The following PPP2R5C variants were observed in gnomAD, a reference collection of about 807,000 sequenced individuals.
PPP2R5C encodes serine/threonine-protein phosphatase 2A 56 kDa regulatory subunit gamma isoform.
A neutral mutation model predicts 68.9 loss-of-function variants in PPP2R5C; 7 were observed. The observed-to-expected ratio is 0.10, with a 90% CI of 0.06 to 0.19. PPP2R5C has a LOEUF of 0.19. Among genes scored for constraint, PPP2R5C ranks in the 10% least tolerant of loss-of-function variants. The pLI is 1.00. For synonymous variants in PPP2R5C, 210 were observed against 222.2 expected, an observed-to-expected ratio of 0.95 and a Z score of 0.49; for missense variants, 348 against 641.3, an observed-to-expected ratio of 0.54 and a Z score of 4.94.
intron 3 of PPP2R5C, among the ~76,000 whole-genome samples, chr14:101,796,342 C>T (rs529870489): frequency 2.1e-4 from 32 of 152,194 alleles, no homozygotes; most frequent in Admixed American, 5.9e-4. Context: ...CTTTTCTTCT[C>T]TTGCATGTTT....
At chr14:101,900,089 G>A (rs535134307) in intron 8 of PPP2R5C, among the ~76,000 whole-genome samples, 6 of 151,512 alleles carry the variant, frequency 4.0e-5, no homozygotes, top group East Asian at 1.9e-4. Context: ...ACCTCACCAC[G>A]GTGCCCAGGT....
At chr14:101,847,378 G>A (rs987263705) in intron 1 of PPP2R5C, among the ~76,000 whole-genome samples, 2 of 152,168 alleles carry the variant, frequency 1.3e-5, no homozygotes, top group African/African-American at 4.8e-5. Flanking sequence ...TGATTGACAA[G>A]TGAGTGCCTC....
intron 2 of PPP2R5C, among the ~76,000 whole-genome samples, chr14:101,771,887 T>C (rs1033768176): frequency 1.3e-5 from 2 of 152,170 alleles, no homozygotes; most frequent in Non-Finnish European, 2.9e-5. Flanking sequence ...ATGTTTGTTG[T>C]TTGCTGCATA....
intron 5 of PPP2R5C, among the ~76,000 whole-genome samples, chr14:101,884,185 G>A (rs2044337564): frequency 6.6e-6 from 1 of 152,224 alleles, no homozygotes; most frequent in Admixed American, 6.5e-5. Flanking sequence ...ACAGGAGAAA[G>A]ATGGAGGCCA....
rs771077058 is a variant in PPP2R5C, at chr14:101,835,242, G to A, written c.95-21444G>A. On this transcript the variant is annotated intron_variant, in intron 1 of 13. Coordinates refer to ENST00000334743, the Ensembl canonical transcript of PPP2R5C. This position sits in a 1 kb window ranked among gnomAD's most constrained non-coding sequence, Gnocchi z 5.0. ...AAGATGTGGTGCTGTCCTGTGGCTG[G>A]GGGAGCAGGATGAATTGGGATAAGG... Among the ~76,000 whole-genome samples the A allele has an allele frequency of 4.6e-5, 7 of 152,158 alleles. No individual in the cohort carries two copies. The highest frequency in any genetic ancestry group is 1.3e-4 in the Admixed American group (2 of 15,274).
At chr14:101,761,088 A>T (rs1436719742), upstream of PPP2R5C, among the ~76,000 whole-genome samples, 1 of 15,396 alleles carries the variant, frequency 6.5e-5, no homozygotes, top group Non-Finnish European at 1.3e-4. Flanking sequence ...AGGGGAGGGG[A>T]GGGAAGGGAG....
intron 1 of PPP2R5C, among the ~76,000 whole-genome samples, chr14:101,838,005 AATGAG>A (rs1566890051): frequency 6.6e-6 from 1 of 152,248 alleles, no homozygotes; most frequent in Non-Finnish European, 1.5e-5. Context: ...TTAATGAAAA[AATGAG>A]ATAAGGTAAT....
chr14:101,897,304 G>A (rs1301463315), intron 8 of PPP2R5C, among the ~76,000 whole-genome samples: 1 of 152,052 alleles, frequency 6.6e-6, no homozygotes. Flanking sequence ...AACTCATTGG[G>A]GATTTTTTTT....
Position 101,848,658 on chromosome 14 carries a change from C to T in PPP2R5C, c.95-8028C>T, listed in dbSNP as rs114896906. ...GTCGGTGTTGACGCATCTAAAACCA[C>T]GCAGGAAACGGCTGACAATCGTGCA... On this transcript the variant is annotated intron_variant, in intron 1 of 13. Transcript: ENST00000334743. Among the ~76,000 whole-genome samples, 427 of 152,230 alleles carry T rather than the reference C, an allele frequency of 2.8e-3. 2 individuals carry two copies. The highest frequency in any genetic ancestry group is 9.7e-3 in the African/African-American group (405 of 41,548).
intron 1 of PPP2R5C, among the ~76,000 whole-genome samples, chr14:101,854,549 G>A (rs1300513481): frequency 1.3e-5 from 2 of 152,188 alleles, no homozygotes; most frequent in African/African-American, 2.4e-5. Flanking sequence ...ACCTCAACAG[G>A]AAGTTGACAG....
chr14:101,792,963 C>T (rs2038430089), intron 3 of PPP2R5C, among the ~76,000 whole-genome samples: 1 of 151,782 alleles, frequency 6.6e-6, no homozygotes, highest in African/African-American at 2.4e-5. Context: ...CTGCAGCCTC[C>T]GCCTCCCACA....
At chr14:101,794,191 C>T (rs944999781) in intron 3 of PPP2R5C, among the ~76,000 whole-genome samples, 2 of 152,238 alleles carry the variant, frequency 1.3e-5, no homozygotes, top group African/African-American at 2.4e-5. Context: ...CAGAACTTCC[C>T]TGCTTCCTGT....
intron 9 of PPP2R5C, among the ~76,000 whole-genome samples, chr14:101,903,329 G>A (rs2045821423): frequency 6.6e-6 from 1 of 152,236 alleles, no homozygotes; most frequent in South Asian, 2.1e-4. Flanking sequence ...CATGTGACAG[G>A]GCAAGGAGGA....
chr14:101,919,695 T>C (rs1336720268), intron 13 of PPP2R5C, among the ~76,000 whole-genome samples: 1 of 152,126 alleles, frequency 6.6e-6, no homozygotes, highest in Non-Finnish European at 1.5e-5. Context: ...TGGCCGGGTG[T>C]GGTGGCTCAC....
intron 1 of PPP2R5C, among the ~76,000 whole-genome samples, chr14:101,854,000 C>G (rs2042289146): frequency 6.6e-6 from 1 of 152,024 alleles, no homozygotes; most frequent in Admixed American, 6.6e-5. Context: ...AGGGTACAAA[C>G]AAAGGTGTAG....
At chr14:101,857,140 C>G (rs1053422808) in intron 2 of PPP2R5C, among the ~76,000 whole-genome samples, 7 of 152,158 alleles carry the variant, frequency 4.6e-5, no homozygotes, top group Non-Finnish European at 7.4e-5. Context: ...CACAACTACC[C>G]TATGGAGTAG....
At chr14:101,803,574 A>T (rs1424567118) in intron 3 of PPP2R5C, among the ~76,000 whole-genome samples, 1 of 151,976 alleles carries the variant, frequency 6.6e-6, no homozygotes, top group Non-Finnish European at 1.5e-5. Context: ...AATACAAAAA[A>T]TCAGCCGGGC....
intron 1 of PPP2R5C, chr14:101,836,356 C>A (rs895646392): frequency 1.4e-6 from 1 of 702,316 alleles, no homozygotes; most frequent in African/African-American, 1.7e-5. Context: ...TGCCAGCCTT[C>A]TCCCCTGCCC....
intron 1 of PPP2R5C, among the ~76,000 whole-genome samples, chr14:101,846,050 G>A (rs756930904): frequency 6.6e-6 from 1 of 152,198 alleles, no homozygotes; most frequent in Non-Finnish European, 1.5e-5. Flanking sequence ...AGGAAGGGCT[G>A]TGCACCACCT....
Sources: allele counts gnomAD v4.1 joint callset (sites outside exome capture counted in the v4.1 genomes callset), GRCh38; gene constraint gnomAD v4.1.1; non-coding constraint Gnocchi (gnomAD v3.1); transcripts MANE v1.5; gene names NCBI Gene and HGNC (gene_info 2026-07-23, HGNC 2026-07-21).